The following DPP10 variants were observed in gnomAD, a reference collection of about 807,000 sequenced individuals.
The protein encoded by DPP10 is inactive dipeptidyl peptidase 10.
A neutral mutation model predicts 120.9 loss-of-function variants in DPP10; 33 were observed. The ratio of observed to expected loss-of-function variants is 0.27; its 90% confidence interval spans 0.21 to 0.37. DPP10 has a LOEUF of 0.37. DPP10 is among the 10% of genes least tolerant of loss of function. The probability of loss-of-function intolerance (pLI) is 1.00; values close to 1 mark genes in which losing one functional copy is unlikely to be tolerated. For synonymous variants in DPP10, 337 were observed against 326.1 expected, an observed-to-expected ratio of 1.03 and a Z score of -0.36; for missense variants, 816 against 942.8, an observed-to-expected ratio of 0.87 and a Z score of 1.76.
At chr2:115,469,266 G>C (rs1285904814) in intron 3 of DPP10, among the ~76,000 whole-genome samples, 2 of 152,130 alleles carry the variant, frequency 1.3e-5, no homozygotes, top group Non-Finnish European at 2.9e-5. Context: ...CATGAAGAAA[G>C]ACCAAAGAAG....
chr2:115,136,324 T>G (rs2050650882), intron 1 of DPP10, among the ~76,000 whole-genome samples: 1 of 152,088 alleles, frequency 6.6e-6, no homozygotes, highest in Non-Finnish European at 1.5e-5. Context: ...CCTGTGTGTG[T>G]CCTGTCCCAG....
chr2:114,783,909 C>T (rs931420107), intron 1 of DPP10, among the ~76,000 whole-genome samples: 4 of 151,964 alleles, frequency 2.6e-5, no homozygotes, highest in Non-Finnish European at 5.9e-5. Context: ...TCAGTTTTTC[C>T]CCTAGACAGA....
At chr2:114,739,739 A>T (rs936750750) in intron 1 of DPP10, among the ~76,000 whole-genome samples, 1 of 152,182 alleles carries the variant, frequency 6.6e-6, no homozygotes, top group Non-Finnish European at 1.5e-5. Context: ...GGCAACGTTT[A>T]GATTTTCCTT....
At chr2:115,507,938 ATGGG>A (rs2077032697) in intron 4 of DPP10, among the ~76,000 whole-genome samples, 1 of 152,090 alleles carries the variant, frequency 6.6e-6, no homozygotes, top group Admixed American at 6.6e-5. Flanking sequence ...TGGAGATAAA[ATGGG>A]TAGGGCTTTG....
At chr2:115,760,555 ATAT>A (rs1263108191) in intron 11 of DPP10, among the ~76,000 whole-genome samples, 1 of 152,148 alleles carries the variant, frequency 6.6e-6, no homozygotes, top group Admixed American at 6.5e-5. Flanking sequence ...AATTTAAAAC[ATAT>A]TATTTAAATG....
intron 5 of DPP10, among the ~76,000 whole-genome samples, chr2:115,587,248 C>T (rs879330102): frequency 1.1e-4 from 17 of 152,068 alleles, no homozygotes; most frequent in Non-Finnish European, 2.2e-4. Context: ...CAGGCTCCCG[C>T]GACCACGCCC....
At chr2:115,384,708 AAG>A (rs1491023366) in intron 3 of DPP10, among the ~76,000 whole-genome samples, 1 of 64,976 alleles carries the variant, frequency 1.5e-5, no homozygotes, top group Non-Finnish European at 2.6e-5. Flanking sequence ...AGAAAGAAGA[AAG>A]AAGAAGAAGA....
intron 1 of DPP10, among the ~76,000 whole-genome samples, chr2:114,636,973 T>C (rs1039547876): frequency 1.3e-5 from 2 of 151,942 alleles, no homozygotes; most frequent in Non-Finnish European, 2.9e-5. Context: ...GAAAGATGAC[T>C]GGAGATACAA....
At chr2:114,690,784 G>A (rs1699687468) in intron 1 of DPP10, among the ~76,000 whole-genome samples, 1 of 151,956 alleles carries the variant, frequency 6.6e-6, no homozygotes, top group African/African-American at 2.4e-5. Flanking sequence ...AGTTCTCCTT[G>A]AAGAGTTCCT....
At chr2:115,677,946 CT>C (rs1443207475) in intron 5 of DPP10, among the ~76,000 whole-genome samples, 4 of 152,118 alleles carry the variant, frequency 2.6e-5, no homozygotes, top group African/African-American at 9.7e-5. Flanking sequence ...TCATTTTATC[CT>C]TTAGCTGCAG....
intron 1 of DPP10, among the ~76,000 whole-genome samples, chr2:114,788,619 A>T (rs973092564): frequency 6.6e-6 from 1 of 152,026 alleles, no homozygotes; most frequent in Non-Finnish European, 1.5e-5. Flanking sequence ...GGGTTTCACC[A>T]TGTTGGCCAG....
At chr2:115,752,682 G>C (rs1214196627) in intron 10 of DPP10, among the ~76,000 whole-genome samples, 1 of 152,028 alleles carries the variant, frequency 6.6e-6, no homozygotes, top group Non-Finnish European at 1.5e-5. Context: ...TATGTATAAA[G>C]GATATAATTA....
chr2:114,990,054 T>G (rs1700668525), intron 1 of DPP10, among the ~76,000 whole-genome samples: 1 of 152,208 alleles, frequency 6.6e-6, no homozygotes, highest in African/African-American at 2.4e-5. Flanking sequence ...ACTGTACTTT[T>G]CTCTCTTTCT....
intron 1 of DPP10, among the ~76,000 whole-genome samples, chr2:114,521,692 A>G (rs1685065375): frequency 6.6e-6 from 1 of 152,158 alleles, no homozygotes; most frequent in South Asian, 2.1e-4. Context: ...ATGAATAGAA[A>G]GTCTGTGGCC....
chr2:115,703,565 T>G (rs775959928), intron 7 of DPP10, among the ~76,000 whole-genome samples: 4 of 152,000 alleles, frequency 2.6e-5, no homozygotes, highest in Non-Finnish European at 5.9e-5. Context: ...TTGGGAAAGT[T>G]AGGCACAATT....
At chr2:114,847,078 A>ATATCG (rs1367216257) in intron 1 of DPP10, among the ~76,000 whole-genome samples, 1 of 151,934 alleles carries the variant, frequency 6.6e-6, no homozygotes, top group Non-Finnish European at 1.5e-5. Context: ...ATATCATATC[A>ATATCG]TATCCTTGAA....
chr2:114,927,844 G>T (rs1010110137), intron 1 of DPP10, among the ~76,000 whole-genome samples: 1 of 152,202 alleles, frequency 6.6e-6, no homozygotes, highest in African/African-American at 2.4e-5. Flanking sequence ...GCTTCAGGCT[G>T]CTTCAACTTG....
chr2:115,721,829 A>C (rs2149612520), intron 7 of DPP10, among the ~76,000 whole-genome samples: 1 of 152,326 alleles, frequency 6.6e-6, no homozygotes, highest in Middle Eastern at 3.4e-3. Context: ...CCCTATTCAC[A>C]ATAGCCAGGA....
At chr2:114,472,301 A>G (rs1223186962) in intron 1 of DPP10, among the ~76,000 whole-genome samples, 1 of 152,200 alleles carries the variant, frequency 6.6e-6, no homozygotes, top group Non-Finnish European at 1.5e-5. Context: ...GAATGTTTGT[A>G]TTTCAAGGAG....
Sources: allele counts gnomAD v4.1 joint callset (sites outside exome capture counted in the v4.1 genomes callset), GRCh38; gene constraint gnomAD v4.1.1; transcripts MANE v1.5; gene names NCBI Gene and HGNC (gene_info 2026-07-23, HGNC 2026-07-21).